The following C6orf118 variants were observed in gnomAD, a reference collection of about 807,000 sequenced individuals.
C6orf118 encodes uncharacterized protein C6orf118.
A neutral mutation model predicts 50.2 loss-of-function variants in C6orf118; 50 were observed. The ratio of observed to expected loss-of-function variants is 1.00; its 90% confidence interval spans 0.79 to 1.26. The LOEUF (loss-of-function observed/expected upper bound fraction) is 1.26, where lower values mean the gene tolerates loss of function less well. C6orf118 is among the 50% of genes most tolerant of loss of function. The pLI, the probability that C6orf118 is intolerant of heterozygous loss-of-function variation, is 0.00. For missense variants in C6orf118, 641 were observed against 578.7 expected (o/e 1.11, Z -1.10); for synonymous variants, 239 against 230.9 (o/e 1.03, Z -0.32).
chr6:165,291,506 C>A (rs1780105007), intron 6 of C6orf118, among the ~76,000 whole-genome samples: 1 of 152,062 alleles, frequency 6.6e-6, no homozygotes, highest in Non-Finnish European at 1.5e-5. Context: ...TTGGTGATAC[C>A]ATCCATTGAA....
In C6orf118 at chr6:165,289,885, C is replaced by T. The variant is rs761612484; in HGVS notation, c.1302+1G>A. On this transcript the variant is annotated splice_donor_variant, in intron 7 of 8. Transcript: ENST00000230301. LOFTEE classifies it high-confidence loss of function. ...AATATTTAAATAAATAAGTTGCGTA[C>T]CTCTATGCTTTTAATCCTATTCTCA... The T allele has an allele frequency of 4.4e-5, 70 of 1,578,202 alleles. No individual in the cohort carries two copies. The highest frequency in any genetic ancestry group is 3.4e-4 in the Middle Eastern group (2 of 5,938).
intron 7 of C6orf118, among the ~76,000 whole-genome samples, chr6:165,286,370 C>T (rs1399562724): frequency 1.3e-5 from 2 of 152,074 alleles, no homozygotes; most frequent in Non-Finnish European, 2.9e-5. Flanking sequence ...GAACTGGCAC[C>T]ATTTCTTCTG....
rs1335521529 is a variant in C6orf118 at position 165,289,855 on chromosome 6, A to T, written c.1302+31T>A. Reference sequence around the variant, plus strand: ...GCCAAGGTCTTCAAGCAAAAGAATAATGTAAATATTTAAATAAATAAGTTG... The same window carrying T: ...GCCAAGGTCTTCAAGCAAAAGAATATTGTAAATATTTAAATAAATAAGTTG... On this transcript the variant is annotated intron_variant, in intron 7 of 8. Coordinates refer to ENST00000230301, the MANE Select transcript of C6orf118 (RefSeq NM_144980.4). The T allele has an allele frequency of 2.1e-6, 3 of 1,459,438 alleles. No homozygotes were observed. The South Asian group carries it at 4.0e-5, about 20-fold the overall frequency. The allele number at this position is 1,459,438 out of a possible 1,614,324, so 90.4% of individuals were successfully genotyped here.
intron 6 of C6orf118, among the ~76,000 whole-genome samples, chr6:165,291,701 A>C (rs976430778): frequency 6.6e-6 from 1 of 152,228 alleles, no homozygotes; most frequent in African/African-American, 2.4e-5. Flanking sequence ...TAACTCTTCC[A>C]AAGAGATGCT....
intron 6 of C6orf118, among the ~76,000 whole-genome samples, chr6:165,291,913 G>C (rs887556059): frequency 1.3e-5 from 2 of 152,192 alleles, no homozygotes; most frequent in Admixed American, 6.5e-5. Context: ...CTTCCTGGTA[G>C]ATAGTAAACA....
chr6:165,298,973 G>A (rs1780413270), intron 4 of C6orf118, among the ~76,000 whole-genome samples: 1 of 152,170 alleles, frequency 6.6e-6, no homozygotes, highest in African/African-American at 2.4e-5. Flanking sequence ...AAGTGATAAA[G>A]TTATTCCTGC....
At position 165,279,793 on chromosome 6, in the gene C6orf118, A is replaced by G; in HGVS notation, c.*264T>C. ...AGCAAATAATCAAAAGTATTTTCCA[A>G]AGTTGAACATTATTAAATGAAAGTA... On this transcript the variant is annotated 3_prime_UTR_variant, in exon 9 of 9. Transcript: ENST00000230301. 1 of 345,080 alleles carries G rather than the reference A, an allele frequency of 2.9e-6. No individual in the cohort carries two copies. The highest frequency in any genetic ancestry group is 5.2e-6 in the Non-Finnish European group (1 of 193,788). 21.4% of individuals were successfully genotyped at this position (345,080 alleles called of 1,614,324 possible).
intron 8 of C6orf118, 118 bp from the exon 9 acceptor site, chr6:165,280,228 A>G: frequency 1.5e-6 from 1 of 680,642 alleles, no homozygotes; most frequent in Non-Finnish European, 2.4e-6. Flanking sequence ...ACAAGATGAG[A>G]CTTTGTAATC....
intron 1 of C6orf118, among the ~76,000 whole-genome samples, chr6:165,307,305 TCTC>T (rs1444924036): frequency 7.2e-6 from 1 of 138,440 alleles, no homozygotes; most frequent in African/African-American, 2.7e-5. Flanking sequence ...ACGCCTGTAA[TCTC>T]AGCACTTTGG....
Position 165,301,830 on chromosome 6 carries a change from A to G in C6orf118, c.492T>C (p.Pro164=), listed in dbSNP as rs1240060468. ...TGCGCCATCCAGGAGGGCCCCGTCC[A>G]GGAGGGCCTCCTTTCTTTTCTTCCT... The part of the protein sequence containing the change: ...EGKEEKKGGP[P]GRGPPGWRRR... Residue 164 remains proline (P), a synonymous_variant, in exon 2 of 9, where the codon CCT becomes CCC. Coordinates refer to ENST00000230301, the MANE Select transcript of C6orf118 (RefSeq NM_144980.4). 3.1e-6 allele frequency: 5 copies of G among 1,613,882 alleles called. No homozygotes were observed. Among genetic ancestry groups the G allele is most frequent in the Non-Finnish European group, 3.4e-6 (4 of 1,179,956 alleles).
At chr6:165,294,047 C>A (rs1780200275) in intron 5 of C6orf118, among the ~76,000 whole-genome samples, 1 of 151,788 alleles carries the variant, frequency 6.6e-6, no homozygotes, top group African/African-American at 2.4e-5. Context: ...GAAATGGAGA[C>A]CATCCTGGCT....
At chr6:165,286,630 A>G (rs911462034) in intron 7 of C6orf118, among the ~76,000 whole-genome samples, 1 of 152,196 alleles carries the variant, frequency 6.6e-6, no homozygotes, top group African/African-American at 2.4e-5. Flanking sequence ...TGACATACAC[A>G]AATCGGTAAA....
At chr6:165,306,962 GAAAA>G (rs1280275601) in intron 1 of C6orf118, among the ~76,000 whole-genome samples, 4 of 151,988 alleles carry the variant, frequency 2.6e-5, no homozygotes, top group African/African-American at 9.7e-5. Flanking sequence ...GCCTGAGAGA[GAAAA>G]CAAACAAACA....
At chr6:165,307,555 CAA>C (rs397964734) in intron 1 of C6orf118, among the ~76,000 whole-genome samples, 3 of 136,136 alleles carry the variant, frequency 2.2e-5, no homozygotes, top group African/African-American at 9.0e-5. Flanking sequence ...GAGACTGCCT[CAA>C]AAAAAAAAAA....
rs200572993 is a variant in C6orf118 at position 165,298,029 on chromosome 6, C to T, written c.1009G>A (p.Glu337Lys). The T allele has an allele frequency of 3.5e-5, 56 of 1,613,982 alleles. No individual in the cohort carries two copies. The Middle Eastern group carries it at 6.6e-4, about 19-fold the overall frequency. Residue 337 changes from glutamate (E) to lysine (K), a missense_variant, in exon 5 of 9, where the codon GAG (glutamate) becomes AAG (lysine). Physicochemically the swap from Glu to Lys is moderately conservative, Grantham distance 56. Transcript: ENST00000230301. ...GTGGCTGTCACGAGCATCCTCAGCT[C>T]TTCCCTGGCGAGATCCATGTCCGCC... ...KTADMDLARE[E>K]LRMLVTATKA...
At chr6:165,291,449 A>G (rs560175113) in intron 6 of C6orf118, among the ~76,000 whole-genome samples, 7 of 152,190 alleles carry the variant, frequency 4.6e-5, no homozygotes, top group Admixed American at 3.3e-4. Context: ...GGGGTAGGAG[A>G]GTGAAAGTTG....
At chr6:165,299,298 T>C (rs543093450) in intron 4 of C6orf118, 145 bp downstream of exon 4, 3 of 611,918 alleles carry the variant, frequency 4.9e-6, no homozygotes, top group East Asian at 5.5e-5. Flanking sequence ...AGTATAAAAC[T>C]CATCTATAAC....
Position 165,281,689 on chromosome 6 carries a change from T to A in C6orf118, c.1307A>T (p.Glu436Val). 6.7e-7 allele frequency: 1 copy of A among 1,486,458 alleles called. No individual in the cohort carries two copies. The highest frequency in any genetic ancestry group is 2.5e-5 in the East Asian group (1 of 39,596). 92.1% of individuals were successfully genotyped at this position (1,486,458 alleles called of 1,614,324 possible). A position where few individuals can be genotyped will look rare whatever the true frequency, so the allele number is the denominator to read the frequency against. The change falls in exon 8 of 9, where the codon GAA becomes GTA. Residue 436 changes from glutamate (E) to valine (V), a missense_variant. Glu to Val is a moderately radical substitution (Grantham distance 121, BLOSUM62 -2). Coordinates refer to ENST00000230301, the MANE Select transcript of C6orf118 (RefSeq NM_144980.4). Reference sequence around the variant, plus strand: ...ATTTTCTGTTTCCAATTGTATAGCTTCATGCTGGAAGAGAAGTTGTTTTAA... The same window carrying A: ...ATTTTCTGTTTCCAATTGTATAGCTACATGCTGGAAGAGAAGTTGTTTTAA... Reference protein sequence around the residue: ...TENRIKSIEHEAIQLETENMI... With the variant: ...TENRIKSIEHVAIQLETENMI...
At chr6:165,294,278 A>AAACAAAAAAAACC (rs1562328739) in intron 5 of C6orf118, among the ~76,000 whole-genome samples, 24 of 150,270 alleles carry the variant, frequency 1.6e-4, no homozygotes, top group African/African-American at 6.0e-4. Flanking sequence ...CAAAAAAAAA[A>AAACAAAAAAAACC]AAAGTAAATA....
Sources: gnomAD v4.1 joint callset for allele counts (sites outside exome capture counted in the v4.1 genomes callset) on GRCh38, gnomAD v4.1.1 for gene constraint, MANE v1.5 for transcripts, NCBI Gene and HGNC (gene_info 2026-07-23, HGNC 2026-07-21) for gene names.